The following COL17A1 variants were observed in gnomAD, a reference collection of about 807,000 sequenced individuals.
The protein encoded by COL17A1 is collagen type XVII alpha 1 chain.
Under a neutral mutation model 218.4 loss-of-function variants are expected in COL17A1, and 181 were observed. The ratio of observed to expected loss-of-function variants is 0.83; its 90% CI spans 0.73 to 0.94. The LOEUF (loss-of-function observed/expected upper bound fraction) is 0.94. COL17A1 is among the 40% of genes least tolerant of loss of function. COL17A1 has a pLI of 0.00. For missense variants in COL17A1, 1,924 were observed against 1,945.9 expected (o/e 0.99, Z 0.21); for synonymous variants, 721 against 731.0 (o/e 0.99, Z 0.22).
At chr10:104,044,665 G>A (rs2086392105) in intron 33 of COL17A1, among the ~76,000 whole-genome samples, 1 of 152,166 alleles carries the variant, frequency 6.6e-6, no homozygotes, top group Non-Finnish European at 1.5e-5. Context: ...AGAAGCACTT[G>A]AGTTTGTTTT....
In COL17A1 at chr10:104,038,614, G is replaced by A. The variant is rs910732475; in HGVS notation, c.2948-86C>T. 8 of 1,540,016 alleles carry A rather than the reference G, an allele frequency of 5.2e-6. No individual in the cohort carries two copies. The African/African-American group carries it at 1.1e-4, about 21-fold the overall frequency. ...CCAGGAATAGCTTCCATGGTCTGAG[G>A]AGGGAGGGTCTTCTCAGGAGGAGAA... On this transcript the variant is annotated intron_variant, in intron 44 of 55. Coordinates refer to ENST00000648076, the MANE Select transcript of COL17A1 (RefSeq NM_000494.4).
intron 8 of COL17A1, among the ~76,000 whole-genome samples, chr10:104,071,755 C>G (rs1003726875): frequency 6.6e-6 from 1 of 152,126 alleles, no homozygotes. Flanking sequence ...TGTTCCCTCA[C>G]CACACTGAGT....
chr10:104,044,191 C>T (rs759893389), intron 33 of COL17A1, among the ~76,000 whole-genome samples: 1 of 152,122 alleles, frequency 6.6e-6, no homozygotes, highest in Non-Finnish European at 1.5e-5. Flanking sequence ...GCCTGGGAAT[C>T]GCCTTAGGTG....
intron 1 of COL17A1, among the ~76,000 whole-genome samples, chr10:104,084,970 T>C (rs1292718682): frequency 6.6e-6 from 1 of 152,264 alleles, no homozygotes; most frequent in Non-Finnish European, 1.5e-5. Flanking sequence ...TGATAATTTG[T>C]CAGTTACCAG....
chr10:104,074,320 G>T, intron 5 of COL17A1, 89 bp from the exon 6 acceptor site: 1 of 1,575,376 alleles, frequency 6.3e-7, no homozygotes, highest in South Asian at 1.1e-5. Context: ...ACTTATTTCT[G>T]GACCTCCACA....
chr10:104,042,413 G>A lies in COL17A1; in HGVS notation c.2551+7C>T. 6.2e-7 allele frequency: 1 copy of A among 1,614,186 alleles called. No individual in the cohort carries two copies. The highest frequency in any genetic ancestry group is 8.5e-7 in the Non-Finnish European group (1 of 1,180,022). ...ATCGCTTTGCATTCTTGCAGGGTGT[G>A]ACATACCTTGATGTCCTGGGAGACC... On this transcript the variant is annotated splice_region_variant and intron_variant, in intron 36 of 55. Transcript: ENST00000648076.
chr10:104,038,488 C>T lies in COL17A1; in HGVS notation c.2988G>A (p.Gly996=), dbSNP rs1308890687. 2 of 1,613,624 alleles carry T rather than the reference C, an allele frequency of 1.2e-6. No individual in the cohort carries two copies. Among genetic ancestry groups the T allele is most frequent in the African/African-American group, 2.7e-5 (2 of 74,886 alleles). ...SSTMYVSGPP[G]PPGPPGPPGS... ...CCGGAGGCCCAGGGGGCCCAGGGGG[C>T]CCTGGCGGGCCTGACACGTACATGG... Residue 996 remains glycine (G), a synonymous_variant, in exon 45 of 56, where the codon GGG becomes GGA. Coordinates refer to ENST00000648076, the MANE Select transcript of COL17A1 (RefSeq NM_000494.4).
intron 40 of COL17A1, 134 bp downstream of exon 40, chr10:104,040,217 A>T: frequency 1.1e-6 from 1 of 914,750 alleles, no homozygotes; most frequent in East Asian, 2.4e-5. Context: ...CAGGCTGCTG[A>T]GTTCCTAATG....
In COL17A1 at chr10:104,062,309, G is replaced by C; in HGVS notation, c.859C>G (p.Leu287Val). The C allele has an allele frequency of 6.2e-7, 1 of 1,614,224 alleles. No individual in the cohort carries two copies. Among genetic ancestry groups the C allele is most frequent in the Non-Finnish European group, 8.5e-7 (1 of 1,180,032 alleles). ...GACAGGGTGGTCAAGCTGGGGGCCAGATTGTTCTGCATGCCAAACACTGTG... is the reference window on the plus strand; with the variant it reads ...GACAGGGTGGTCAAGCTGGGGGCCACATTGTTCTGCATGCCAAACACTGTG... ...SSSVFGMQNN[L>V]APSLTTLSHG... is the part of the protein sequence containing the mutation. Residue 287 changes from leucine to valine, a missense_variant, in exon 12 of 56, where the codon CTG (leucine) becomes GTG (valine). Leu to Val is a conservative substitution (Grantham distance 32). Coordinates refer to ENST00000648076, the MANE Select transcript of COL17A1 (RefSeq NM_000494.4).
In COL17A1 at chr10:104,062,255, G is replaced by T; in HGVS notation, c.910+3C>A. On this transcript the variant is annotated splice_donor_region_variant and intron_variant, in intron 12 of 55. Transcript: ENST00000648076. ...GCCTAAGCTCCAACCCTAGCCTACTGACCTGTGGAAGTGGTGGTGGTGCCA... is the reference window on the plus strand; with the variant it reads ...GCCTAAGCTCCAACCCTAGCCTACTTACCTGTGGAAGTGGTGGTGGTGCCA... 6.2e-7 allele frequency: 1 copy of T among 1,614,210 alleles called. No individual in the cohort carries two copies. The highest frequency in any genetic ancestry group is 8.5e-7 in the Non-Finnish European group (1 of 1,180,034).
chr10:104,037,494 G>T, intron 46 of COL17A1, 142 bp downstream of exon 46: 2 of 1,138,444 alleles, frequency 1.8e-6, no homozygotes, highest in Non-Finnish European at 2.6e-6. Flanking sequence ...TATCCCAGTG[G>T]CCCGATTATT....
intron 50 of COL17A1, among the ~76,000 whole-genome samples, chr10:104,035,024 G>A (rs1315091231): frequency 6.6e-6 from 1 of 152,158 alleles, no homozygotes; most frequent in Non-Finnish European, 1.5e-5. Context: ...ACTGAGAGGT[G>A]GAGCCCCAGG....
chr10:104,033,049 A>C, intron 53 of COL17A1, 81 bp from the exon 54 acceptor site: 2 of 1,553,470 alleles, frequency 1.3e-6, no homozygotes, highest in Middle Eastern at 3.3e-4. Flanking sequence ...TCAGAGTAAC[A>C]CAGAGAGATA....
chr10:104,055,437 T>G (rs2086511475), intron 18 of COL17A1, 36 bp from the exon 19 acceptor site: 2 of 1,273,776 alleles, frequency 1.6e-6, no homozygotes, highest in South Asian at 2.5e-5. Context: ...CAGCTTCACA[T>G]CTCCTGTCAC....
chr10:104,032,356 G>A (rs768510987), intron 55 of COL17A1, 66 bp from the exon 56 acceptor site: 142 of 1,345,328 alleles, frequency 1.1e-4, no homozygotes, highest in Admixed American at 2.0e-4. Context: ...CTTGGCTTGG[G>A]CAATTATGGC....
At position 104,035,656 on chromosome 10, in the gene COL17A1, G is replaced by T. The variant is rs944585866; in HGVS notation, c.3419-93C>A. The T allele has an allele frequency of 4.0e-6, 4 of 995,702 alleles. No individual in the cohort carries two copies. The African/African-American group carries it at 6.5e-5, about 16-fold the overall frequency. 61.7% of individuals were successfully genotyped at this position (995,702 alleles called of 1,614,324 possible). ...GGATACAGAAGAGGTTTGGACAGAA[G>T]TGGGGTCCAAGAAAGAAAAGAGATG... On this transcript the variant is annotated intron_variant, in intron 48 of 55. Transcript: ENST00000648076.
Position 104,049,449 on chromosome 10 carries a change from C to G in COL17A1, c.2187G>C (p.Leu729Phe). Residue 729 changes from leucine to phenylalanine, a missense_variant, in exon 29 of 56, where the codon TTG becomes TTC. Transcript: ENST00000648076. The part of the protein sequence containing the change: ...GLTGEPGMRG[L>F]PGAVGEPGAK... Reference sequence around the variant, plus strand: ...CCCCGGGCTCACCAACAGCACCAGGCAAACCTCTCATGCCAGGCTCGCCTG... The same window carrying G: ...CCCCGGGCTCACCAACAGCACCAGGGAAACCTCTCATGCCAGGCTCGCCTG... 6.2e-7 allele frequency: 1 copy of G among 1,614,222 alleles called. No individual in the cohort carries two copies.
In COL17A1 at chr10:104,032,181, A is replaced by T. The variant is rs1222817614; in HGVS notation, c.*54T>A. On this transcript the variant is annotated 3_prime_UTR_variant, in exon 56 of 56. Transcript: ENST00000648076. ...TTCACCCTCTGGAGACCTTGGACCT[A>T]AGTGCCACATGCATTATGAGACCTG... The T allele has an allele frequency of 1.4e-6, 2 of 1,460,798 alleles. No homozygotes were observed. The highest frequency in any genetic ancestry group is 1.9e-6 in the Non-Finnish European group (2 of 1,040,930). 90.5% of individuals were successfully genotyped at this position (1,460,798 alleles called of 1,614,324 possible).
chr10:104,063,872 T>C (rs950812735), intron 10 of COL17A1, 54 bp from the exon 11 acceptor site: 4 of 1,610,036 alleles, frequency 2.5e-6, no homozygotes, highest in African/African-American at 2.7e-5. Flanking sequence ...CAGATAGGGA[T>C]AGAGATTTGG....
Sources: allele counts gnomAD v4.1 joint callset (sites outside exome capture counted in the v4.1 genomes callset), GRCh38; gene constraint gnomAD v4.1.1; transcripts MANE v1.5; gene names NCBI Gene and HGNC (gene_info 2026-07-23, HGNC 2026-07-21).